ASTN2: variants seen among roughly 807,000 people sequenced by gnomAD.
ASTN2 encodes astrotactin 2, also known as astrotactin-2.
Under a neutral mutation model 139.8 loss-of-function variants are expected in ASTN2, and 54 were observed. That is an observed-to-expected ratio of 0.39 (90% CI 0.31 to 0.48). The LOEUF (loss-of-function observed/expected upper bound fraction) is 0.48, where lower values mean the gene tolerates loss of function less well. Among genes scored for constraint, ASTN2 ranks in the 20% least tolerant of loss-of-function variants. The pLI, the probability that ASTN2 is intolerant of heterozygous loss-of-function variation, is 0.95. For synonymous variants in ASTN2, 756 were observed against 719.5 expected (o/e 1.05, Z -0.81); for missense variants, 1,565 against 1,725.1 (o/e 0.91, Z 1.64).
At chr9:117,008,375 G>GTCTAAGTGCA in intron 6 of ASTN2, 116 bp from the exon 7 acceptor site, 3 of 924,220 alleles carry the variant, frequency 3.2e-6, no homozygotes, top group Non-Finnish European at 4.6e-6. Context: ...GATCTCATTT[G>GTCTAAGTGCA]TCTAAGTGCA....
At chr9:116,788,825 A>G (rs953174066) in intron 13 of ASTN2, among the ~76,000 whole-genome samples, 2 of 152,192 alleles carry the variant, frequency 1.3e-5, no homozygotes, top group African/African-American at 4.8e-5. Flanking sequence ...ACAGCCTTAG[A>G]TAATACAAAA....
intron 20 of ASTN2, among the ~76,000 whole-genome samples, chr9:116,474,770 A>G (rs1848924395): frequency 6.6e-6 from 1 of 152,332 alleles, no homozygotes; most frequent in Admixed American, 6.5e-5. Context: ...AAAGAAACTG[A>G]GGATCAGAAA....
In ASTN2 at chr9:116,583,309, G is replaced by C. The variant is rs573906835; in HGVS notation, c.3355+35015C>G. 4 of 152,274 alleles carry C rather than the reference G, an allele frequency of 2.6e-5. No homozygotes were observed. The South Asian group carries it at 8.3e-4, about 32-fold the overall frequency. 9.4% of individuals were successfully genotyped at this position (152,274 alleles called of 1,614,324 possible). On this transcript the variant is annotated intron_variant, in intron 19 of 22. Coordinates refer to ENST00000313400, the MANE Select transcript of ASTN2 (RefSeq NM_001365068.1). Reference sequence around the variant, plus strand: ...ATTTTAACATAGTTTTTCAACAACAGGTTAAAATTGCTGGCTACACACTAC... The same window carrying C: ...ATTTTAACATAGTTTTTCAACAACACGTTAAAATTGCTGGCTACACACTAC...
rs1196729495 is a variant in ASTN2, at chr9:117,071,205, C to A, written c.1276+24839G>T. Among the ~76,000 whole-genome samples the A allele has an allele frequency of 3.3e-5, 5 of 151,692 alleles. No individual in the cohort carries two copies. The East Asian group carries it at 9.7e-4, about 30-fold the overall frequency. On this transcript the variant is annotated intron_variant, in intron 5 of 22. Transcript: ENST00000313400. ...TGGGTTTTTGGTGTGGATGTCCTTTCTGTTTGTTAGTTTTCCTTCTAATAG... is the reference window on the plus strand; with the variant it reads ...TGGGTTTTTGGTGTGGATGTCCTTTATGTTTGTTAGTTTTCCTTCTAATAG...
At chr9:116,563,283 G>C (rs1483963878) in intron 19 of ASTN2, among the ~76,000 whole-genome samples, 1 of 151,682 alleles carries the variant, frequency 6.6e-6, no homozygotes, top group Non-Finnish European at 1.5e-5. Flanking sequence ...GCTGAGGCAG[G>C]AGAATGGTGT....
intron 17 of ASTN2, among the ~76,000 whole-genome samples, chr9:116,640,376 A>G (rs1025807002): frequency 2.0e-5 from 3 of 152,236 alleles, no homozygotes; most frequent in African/African-American, 7.2e-5. Context: ...ATAATTAGAA[A>G]GTGTGATAAC....
At chr9:116,707,106 G>A (rs978532758) in intron 16 of ASTN2, among the ~76,000 whole-genome samples, 4 of 151,582 alleles carry the variant, frequency 2.6e-5, no homozygotes, top group East Asian at 2.0e-4. Context: ...ATTGTATGGC[G>A]TACTCAAAAG....
intron 3 of ASTN2, among the ~76,000 whole-genome samples, chr9:117,153,582 A>C (rs1017399929): frequency 1.3e-5 from 2 of 152,164 alleles, no homozygotes; most frequent in East Asian, 3.9e-4. Flanking sequence ...ACACAACCTT[A>C]GAATAGCAGA....
intron 3 of ASTN2, among the ~76,000 whole-genome samples, chr9:117,195,505 G>A (rs10818011): frequency 0.031 from 4,751 of 152,178 alleles, 109 homozygotes; most frequent in Non-Finnish European, 0.046. Context: ...CCAATAAGTA[G>A]GTATGTGAGG....
At chr9:117,269,919 C>A (rs1834024872) in intron 2 of ASTN2, among the ~76,000 whole-genome samples, 1 of 152,214 alleles carries the variant, frequency 6.6e-6, no homozygotes. Context: ...CCACAAATTT[C>A]ATATACATCT....
intron 12 of ASTN2, among the ~76,000 whole-genome samples, chr9:116,813,888 T>G (rs1168186972): frequency 6.6e-6 from 1 of 151,754 alleles, no homozygotes; most frequent in Admixed American, 6.6e-5. Context: ...TACAATAAAT[T>G]AGCTGGGTGT....
At chr9:116,545,174 G>C (rs1852039706) in intron 19 of ASTN2, among the ~76,000 whole-genome samples, 1 of 152,216 alleles carries the variant, frequency 6.6e-6, no homozygotes, top group Non-Finnish European at 1.5e-5. Flanking sequence ...CTTGGCATGG[G>C]GGTCCGCCTG....
At chr9:116,496,896 A>G (rs2119121236) in intron 19 of ASTN2, among the ~76,000 whole-genome samples, 1 of 152,168 alleles carries the variant, frequency 6.6e-6, no homozygotes, top group African/African-American at 2.4e-5. Context: ...CACAGGTAAA[A>G]CCTGCCCCCA....
intron 10 of ASTN2, among the ~76,000 whole-genome samples, chr9:116,945,901 A>T (rs2132477093): frequency 6.6e-6 from 1 of 152,348 alleles, no homozygotes; most frequent in East Asian, 1.9e-4. Context: ...TAACTGACTC[A>T]CTGTTCCACA....
chr9:116,948,810 T>TTTTTTTTTTTTTTTTTTTTG (rs1835477537), intron 10 of ASTN2, among the ~76,000 whole-genome samples: 1 of 102,584 alleles, frequency 9.7e-6, no homozygotes, highest in Non-Finnish European at 2.2e-5. Context: ...TTTTTTTTTT[T>TTTTTTTTTTTTTTTTTTTTG]GAGAAGGAGT....
At chr9:117,407,690 T>C (rs995396223) in intron 1 of ASTN2, among the ~76,000 whole-genome samples, 1 of 152,208 alleles carries the variant, frequency 6.6e-6, no homozygotes, top group Non-Finnish European at 1.5e-5. Context: ...AAAAGAGCTA[T>C]AGTCAGTAGA....
intron 17 of ASTN2, among the ~76,000 whole-genome samples, chr9:116,623,599 A>T (rs1856286028): frequency 6.6e-6 from 1 of 152,200 alleles, no homozygotes; most frequent in Non-Finnish European, 1.5e-5. Context: ...TAAATCATGT[A>T]ACCTAATCCG....
rs918253022 is a variant in ASTN2 at position 117,224,490 on chromosome 9, C to T, written c.631-9748G>A. On this transcript the variant is annotated intron_variant, in intron 2 of 22. Transcript: ENST00000313400. ...ATACAGTTTCCCAGCTGCATTCCTCCCATAGGCTCCAAGCGGTGATTGTGA... is the reference window on the plus strand; with the variant it reads ...ATACAGTTTCCCAGCTGCATTCCTCTCATAGGCTCCAAGCGGTGATTGTGA... Among the ~76,000 whole-genome samples the T allele has an allele frequency of 2.6e-5, 4 of 152,318 alleles. No individual in the cohort carries two copies. The East Asian group carries it at 5.8e-4, about 22-fold the overall frequency.
At chr9:116,898,760 C>T (rs560415027) in intron 10 of ASTN2, among the ~76,000 whole-genome samples, 58 of 152,318 alleles carry the variant, frequency 3.8e-4, no homozygotes, top group Admixed American at 1.3e-3. Context: ...GCGTTGATCT[C>T]CCTGGCTCAA....
Sources: gnomAD v4.1 joint callset for allele counts (sites outside exome capture counted in the v4.1 genomes callset) on GRCh38, gnomAD v4.1.1 for gene constraint, MANE v1.5 for transcripts, NCBI Gene and HGNC (gene_info 2026-07-23, HGNC 2026-07-21) for gene names.